Variants in CCDC60 observed in about 807,000 individuals in gnomAD.
CCDC60 encodes coiled-coil domain-containing protein 60.
A neutral mutation model predicts 63.5 loss-of-function variants in CCDC60; 54 were observed. The observed-to-expected ratio is 0.85, with a 90% confidence interval of 0.68 to 1.07. The LOEUF (loss-of-function observed/expected upper bound fraction) is 1.07, where lower values mean the gene tolerates loss of function less well. Among genes scored for constraint, CCDC60 ranks in the 50% least tolerant of loss-of-function variants. The probability of loss-of-function intolerance (pLI) is 0.00; values close to 1 mark genes in which losing one functional copy is unlikely to be tolerated. For missense variants in CCDC60, 651 were observed against 684.3 expected, an observed-to-expected ratio of 0.95 and a Z score of 0.54; for synonymous variants, 206 against 238.8, an observed-to-expected ratio of 0.86 and a Z score of 1.27.
At chr12:119,487,307 T>G (rs1951471445) in intron 4 of CCDC60, among the ~76,000 whole-genome samples, 1 of 151,642 alleles carries the variant, frequency 6.6e-6, no homozygotes, top group African/African-American at 2.4e-5. Context: ...CTTTTTTTTT[T>G]TTTTTTCCGA....
chr12:119,507,542 ATATATATACATATATATATATATATATG>A (rs1465710511), intron 7 of CCDC60, among the ~76,000 whole-genome samples: 6 of 60,578 alleles, frequency 9.9e-5, no homozygotes, highest in Non-Finnish European at 1.4e-4. Flanking sequence ...ATATATACAC[ATATATATACATATATATATATATATATG>A]TATATATACA....
rs577162395 is a variant in CCDC60 at position 119,436,792 on chromosome 12, C to T, written c.170+8030C>T. Among the ~76,000 whole-genome samples, 202 of 152,300 alleles carry T rather than the reference C, an allele frequency of 1.3e-3. 1 individual carries two copies. The highest frequency in any genetic ancestry group is 2.4e-3 in the Non-Finnish European group (165 of 68,024). ...CCTCAGGTGATCTACCTGCCTCGGC[C>T]TCCCAGAGTGCTGGGATTACAGGCA... On this transcript the variant is annotated intron_variant, in intron 2 of 13. Coordinates refer to ENST00000327554, the MANE Select transcript of CCDC60 (RefSeq NM_178499.5).
chr12:119,514,837 A>G lies in CCDC60; in HGVS notation c.884-1786A>G, dbSNP rs1353621791. ...ACCTAGAGCAATTTTCAGTCCTGGAAGCTCCATTTATGATAAGTACCCTAT... is the reference window on the plus strand; with the variant it reads ...ACCTAGAGCAATTTTCAGTCCTGGAGGCTCCATTTATGATAAGTACCCTAT... On this transcript the variant is annotated intron_variant, in intron 7 of 13. Transcript: ENST00000327554. Among the ~76,000 whole-genome samples, 3 of 152,174 alleles carry G rather than the reference A, an allele frequency of 2.0e-5. No individual in the cohort carries two copies. In the East Asian group the frequency reaches 5.8e-4, roughly 29 times the overall value.
intron 1 of CCDC60, among the ~76,000 whole-genome samples, chr12:119,353,554 TTCTCTCCTTCTCTCTCCCC>T (rs1565967317): frequency 6.6e-6 from 1 of 151,354 alleles, no homozygotes. Context: ...CTCTCTATGT[TTCTCTCCTTCTCTCTCCCC>T]TCTCTCCTTC....
intron 2 of CCDC60, among the ~76,000 whole-genome samples, chr12:119,451,049 AT>A (rs149528230): frequency 6.6e-6 from 1 of 152,192 alleles, no homozygotes; most frequent in Non-Finnish European, 1.5e-5. Flanking sequence ...TGACAGCTTG[AT>A]TTTCGAACAA....
chr12:119,335,477 T>C (rs1222379762), intron 1 of CCDC60, among the ~76,000 whole-genome samples: 1 of 151,226 alleles, frequency 6.6e-6, no homozygotes, highest in Non-Finnish European at 1.5e-5. Flanking sequence ...CCTGACTTTT[T>C]AATGATTGCC....
chr12:119,337,785 G>A (rs1358342487), intron 1 of CCDC60, among the ~76,000 whole-genome samples: 1 of 151,104 alleles, frequency 6.6e-6, no homozygotes, highest in African/African-American at 2.4e-5. Context: ...CAAAGAAAAG[G>A]GACAGCTAAT....
At chr12:119,353,295 T>G (rs1483181530) in intron 1 of CCDC60, among the ~76,000 whole-genome samples, 1 of 152,198 alleles carries the variant, frequency 6.6e-6, no homozygotes, top group African/African-American at 2.4e-5. Context: ...GGGAACTTCA[T>G]GAAATGGCTG....
At chr12:119,520,375 A>G (rs1593209319) in intron 9 of CCDC60, among the ~76,000 whole-genome samples, 183 bp downstream of exon 9, 5 of 151,994 alleles carry the variant, frequency 3.3e-5, no homozygotes. Context: ...GAATTCAGGT[A>G]TTTCTCCCCA....
intron 1 of CCDC60, among the ~76,000 whole-genome samples, chr12:119,365,639 A>G (rs1193708567): frequency 1.3e-5 from 2 of 152,256 alleles, no homozygotes; most frequent in Non-Finnish European, 2.9e-5. Flanking sequence ...CCAAAGCAAG[A>G]TAAATAGAAC....
At chr12:119,353,715 C>A (rs1252969354) in intron 1 of CCDC60, among the ~76,000 whole-genome samples, 2 of 146,356 alleles carry the variant, frequency 1.4e-5, no homozygotes, top group East Asian at 4.1e-4. Flanking sequence ...TCAAGCAATT[C>A]TCCTGCCTCA....
intron 6 of CCDC60, among the ~76,000 whole-genome samples, chr12:119,503,557 T>C (rs1466266019): frequency 6.6e-6 from 1 of 152,224 alleles, no homozygotes; most frequent in African/African-American, 2.4e-5. Flanking sequence ...TTCTGTCGTT[T>C]GTACAGAATT....
intron 6 of CCDC60, among the ~76,000 whole-genome samples, chr12:119,504,414 C>T (rs1002145459): frequency 2.0e-5 from 3 of 152,178 alleles, no homozygotes; most frequent in Admixed American, 1.3e-4. Context: ...ACCTACCTCT[C>T]AATTCCTTCC....
At chr12:119,406,795 C>T (rs748567713) in intron 1 of CCDC60, among the ~76,000 whole-genome samples, 1 of 152,174 alleles carries the variant, frequency 6.6e-6, no homozygotes, top group Non-Finnish European at 1.5e-5. Flanking sequence ...CATACCCCCA[C>T]TGATCCTCAG....
intron 1 of CCDC60, among the ~76,000 whole-genome samples, chr12:119,404,049 A>G (rs1956441247): frequency 6.6e-6 from 1 of 152,150 alleles, no homozygotes; most frequent in South Asian, 2.1e-4. Context: ...GCACTTTTGG[A>G]GGCCGAGGTG....
chr12:119,408,532 T>C (rs1245697130), intron 1 of CCDC60, among the ~76,000 whole-genome samples: 1 of 152,104 alleles, frequency 6.6e-6, no homozygotes, highest in Admixed American at 6.5e-5. Flanking sequence ...CATTTAAAAG[T>C]AATAGCAAGG....
At chr12:119,450,929 G>T (rs1000213254) in intron 2 of CCDC60, among the ~76,000 whole-genome samples, 1 of 151,992 alleles carries the variant, frequency 6.6e-6, no homozygotes, top group African/African-American at 2.4e-5. Context: ...AGCCTGGACT[G>T]CAGAGTCTGG....
At chr12:119,435,527 G>C (rs1485741871) in intron 2 of CCDC60, among the ~76,000 whole-genome samples, 2 of 152,212 alleles carry the variant, frequency 1.3e-5, no homozygotes, top group Non-Finnish European at 2.9e-5. Flanking sequence ...GAATTAACCT[G>C]TCTTGCAAAT....
chr12:119,451,847 A>T (rs1950640817), intron 2 of CCDC60, among the ~76,000 whole-genome samples: 1 of 152,222 alleles, frequency 6.6e-6, no homozygotes, highest in Non-Finnish European at 1.5e-5. Flanking sequence ...CTGAGAGTAC[A>T]TTTGTGAATC....
Sources: allele counts gnomAD v4.1 joint callset (sites outside exome capture counted in the v4.1 genomes callset), GRCh38; gene constraint gnomAD v4.1.1; transcripts MANE v1.5; gene names NCBI Gene and HGNC (gene_info 2026-07-23, HGNC 2026-07-21).